TMTC1: variants seen among roughly 807,000 people sequenced by gnomAD.
TMTC1 encodes transmembrane O-mannosyltransferase targeting cadherins 1.
A neutral mutation model predicts 104.8 loss-of-function variants in TMTC1; 73 were observed. The observed-to-expected ratio is 0.70, with a 90% CI of 0.58 to 0.85. The LOEUF (loss-of-function observed/expected upper bound fraction) is 0.85, where lower values mean the gene tolerates loss of function less well. Ranked by LOEUF, TMTC1 falls within the 40% of genes least tolerant of loss-of-function variation. TMTC1 has a pLI of 0.00. For missense variants in TMTC1, 1,035 were observed against 1,096.1 expected (o/e 0.94, Z 0.79); for synonymous variants, 434 against 428.7 (o/e 1.01, Z -0.15).
intron 3 of TMTC1, among the ~76,000 whole-genome samples, chr12:29,758,405 G>A (rs189911296): frequency 7.2e-5 from 11 of 152,292 alleles, no homozygotes; most frequent in Admixed American, 2.0e-4. Flanking sequence ...GGCTTAGAGC[G>A]AAGATTCCAA....
chr12:29,573,729 GCT>G (rs1326964710), intron 8 of TMTC1, among the ~76,000 whole-genome samples: 1 of 152,198 alleles, frequency 6.6e-6, no homozygotes, highest in Non-Finnish European at 1.5e-5. Context: ...AGAGCATGGG[GCT>G]TTTGAGGGAC....
intron 5 of TMTC1, among the ~76,000 whole-genome samples, chr12:29,685,248 C>A (rs1484386227): frequency 1.3e-5 from 2 of 151,748 alleles, no homozygotes; most frequent in Non-Finnish European, 1.5e-5. Flanking sequence ...AGGCACAGTA[C>A]AAAACAGTCT....
chr12:29,772,121 C>G (rs1302172704), intron 1 of TMTC1, among the ~76,000 whole-genome samples: 2 of 152,190 alleles, frequency 1.3e-5, no homozygotes, highest in African/African-American at 4.8e-5. Context: ...GCAGGTTGTT[C>G]TGTTTTACTT....
intron 13 of TMTC1, among the ~76,000 whole-genome samples, chr12:29,517,994 C>T (rs967075602): frequency 7.9e-5 from 12 of 152,150 alleles, no homozygotes; most frequent in African/African-American, 2.9e-4. Context: ...GGATTACAGG[C>T]ATGAGCCACC....
At chr12:29,537,536 C>T (rs1944678414) in intron 10 of TMTC1, among the ~76,000 whole-genome samples, 1 of 152,214 alleles carries the variant, frequency 6.6e-6, no homozygotes, top group African/African-American at 2.4e-5. Context: ...AATGACCTTT[C>T]TGCTCAAAGT....
chr12:29,588,704 G>T (rs547454286), intron 7 of TMTC1, among the ~76,000 whole-genome samples: 56 of 152,302 alleles, frequency 3.7e-4, no homozygotes, highest in African/African-American at 1.3e-3. Flanking sequence ...TTAAGAAGAG[G>T]AAGAGGTTGA....
chr12:29,738,021 G>A lies in TMTC1; in HGVS notation c.938+13645C>T, dbSNP rs189618682. The stretch of plus-strand genomic sequence containing the variant: ...CCACTCCCTTTCTTCTCCAACTGTA[G>A]AAGACTGACTATCTTCAGATTAGGG... On this transcript the variant is annotated intron_variant, in intron 5 of 17. Transcript: ENST00000539277. Among the ~76,000 whole-genome samples, 38 of 152,298 alleles carry A rather than the reference G, an allele frequency of 2.5e-4. No individual in the cohort carries two copies. In the East Asian group the frequency reaches 7.1e-3, roughly 29 times the overall value.
At chr12:29,672,110 T>C (rs1406556912) in intron 5 of TMTC1, among the ~76,000 whole-genome samples, 1 of 152,184 alleles carries the variant, frequency 6.6e-6, no homozygotes, top group African/African-American at 2.4e-5. Flanking sequence ...AGCAGCAGTA[T>C]GACATCCCTA....
chr12:29,766,793 G>C (rs968193691), intron 2 of TMTC1, among the ~76,000 whole-genome samples: 2 of 152,044 alleles, frequency 1.3e-5, no homozygotes, highest in Non-Finnish European at 2.9e-5. Context: ...GTAAAACTGT[G>C]GTGCCCATGG....
At chr12:29,777,779 C>T (rs1012121566) in intron 1 of TMTC1, among the ~76,000 whole-genome samples, 9 of 152,256 alleles carry the variant, frequency 5.9e-5, no homozygotes, top group African/African-American at 2.2e-4. Context: ...TGTCACTGAA[C>T]ATCCTAGACA....
intron 5 of TMTC1, among the ~76,000 whole-genome samples, chr12:29,711,426 C>T (rs756815036): frequency 2.0e-5 from 3 of 152,152 alleles, no homozygotes; most frequent in Admixed American, 6.5e-5. Flanking sequence ...GCTTTCCTTT[C>T]CTCTTAGACA....
At chr12:29,764,706 T>C (rs553481782) in intron 2 of TMTC1, among the ~76,000 whole-genome samples, 11 of 152,328 alleles carry the variant, frequency 7.2e-5, no homozygotes, top group Admixed American at 3.9e-4. Context: ...CAGAACCTTA[T>C]GAATGTAAGC....
intron 5 of TMTC1, among the ~76,000 whole-genome samples, chr12:29,740,212 T>C (rs1942788759): frequency 6.6e-6 from 1 of 152,180 alleles, no homozygotes; most frequent in Non-Finnish European, 1.5e-5. Flanking sequence ...AGATGGGGTC[T>C]GTGATGGTTA....
chr12:29,664,047 C>T (rs919229357), intron 5 of TMTC1, among the ~76,000 whole-genome samples: 3 of 150,838 alleles, frequency 2.0e-5, no homozygotes, highest in Admixed American at 1.3e-4. Context: ...ATTAGCCGGG[C>T]GTAGTGGCGG....
In TMTC1 at chr12:29,783,489, C is replaced by A; in HGVS notation, c.263G>T (p.Ser88Ile). The A allele has an allele frequency of 7.2e-7, 1 of 1,387,238 alleles. No homozygotes were observed. The allele number at this position is 1,387,238 out of a possible 1,614,324, so 85.9% of individuals were successfully genotyped here. ...GCAGAGCGGCCGGTAGGACTTGTGG[C>A]TGGTGTTCTCGGCCATGCCCTTGCC... ...FWGKGMAENT[S>I]HKSYRPLCVL... The change falls in exon 1 of 18, where the codon AGC (serine) becomes ATC (isoleucine). Residue 88 changes from serine (S) to isoleucine (I), a missense_variant. Transcript: ENST00000539277. The surrounding 1 kb of genome is among the most constrained non-coding windows in gnomAD (Gnocchi z 4.7).
At chr12:29,766,858 G>T (rs1943476237) in intron 2 of TMTC1, among the ~76,000 whole-genome samples, 1 of 151,976 alleles carries the variant, frequency 6.6e-6, no homozygotes, top group Admixed American at 6.6e-5. Context: ...CAAACCAGTT[G>T]TATTTACTGA....
chr12:29,647,267 G>T (rs112916601), intron 5 of TMTC1, among the ~76,000 whole-genome samples: 119 of 152,132 alleles, frequency 7.8e-4, no homozygotes, highest in African/African-American at 2.8e-3. Context: ...CAATCCACCT[G>T]CTTCAGCCTC....
chr12:29,536,000 G>C (rs1417312999), intron 11 of TMTC1: 4 of 544,632 alleles, frequency 7.3e-6, no homozygotes, highest in Non-Finnish European at 1.3e-5. Context: ...GCCAATAACG[G>C]ACCATCTTTG....
At chr12:29,515,629 T>C (rs988065492) in intron 15 of TMTC1, among the ~76,000 whole-genome samples, 3 of 152,210 alleles carry the variant, frequency 2.0e-5, no homozygotes, top group African/African-American at 4.8e-5. Flanking sequence ...CCTGATTATA[T>C]GCTCTTTGGG....
Sources: allele counts gnomAD v4.1 joint callset (sites outside exome capture counted in the v4.1 genomes callset), GRCh38; gene constraint gnomAD v4.1.1; non-coding constraint Gnocchi (gnomAD v3.1); transcripts MANE v1.5; gene names NCBI Gene and HGNC (gene_info 2026-07-23, HGNC 2026-07-21).